Variants in STK3 observed in about 807,000 individuals in gnomAD.
The protein encoded by STK3 is serine/threonine-protein kinase 3.
STK3 carries 41 observed loss-of-function variants against 58.0 expected under a neutral mutation model. The observed-to-expected ratio is 0.71, with a 90% CI of 0.55 to 0.92. The LOEUF is 0.92. Ranked by LOEUF, STK3 falls within the 40% of genes least tolerant of loss-of-function variation. The pLI is 0.00. For synonymous variants in STK3, 170 were observed against 191.0 expected (o/e 0.89, Z 0.91); for missense variants, 479 against 602.7 (o/e 0.79, Z 2.15).
chr8:98,942,251 A>T (rs1840461859), intron 1 of STK3: 1 of 152,272 alleles, frequency 6.6e-6, no homozygotes, highest in African/African-American at 2.4e-5. Context: ...CGCTGCGCTC[A>T]GCCTCCGGGC....
At chr8:98,788,170 G>A (rs1832586051) in intron 1 of STK3, among the ~76,000 whole-genome samples, 1 of 152,110 alleles carries the variant, frequency 6.6e-6, no homozygotes, top group Non-Finnish European at 1.5e-5. Flanking sequence ...GGCCGGGCAT[G>A]GTGGCTCACG....
At chr8:98,502,218 G>T (rs1486589217) in intron 10 of STK3, among the ~76,000 whole-genome samples, 4 of 152,108 alleles carry the variant, frequency 2.6e-5, no homozygotes, top group Non-Finnish European at 5.9e-5. Context: ...TCTGTTATTG[G>T]TGTATAGGAA....
intron 6 of STK3, chr8:98,597,569 C>T: frequency 1.0e-6 from 1 of 985,340 alleles, no homozygotes; most frequent in Non-Finnish European, 1.2e-6. Flanking sequence ...GGGCCACAGG[C>T]CAAATAGTGC....
intron 1 of STK3, among the ~76,000 whole-genome samples, chr8:98,785,205 C>G (rs951732242): frequency 6.6e-6 from 1 of 152,234 alleles, no homozygotes; most frequent in African/African-American, 2.4e-5. Context: ...AGGCATAACT[C>G]CAGGCATTCA....
chr8:98,747,882 A>T (rs935638106), intron 4 of STK3, among the ~76,000 whole-genome samples: 11 of 152,216 alleles, frequency 7.2e-5, no homozygotes, highest in African/African-American at 2.7e-4. Flanking sequence ...CAACATGCTC[A>T]GTGGACTGTG....
intron 3 of STK3, among the ~76,000 whole-genome samples, chr8:98,873,284 A>T (rs1193553940): frequency 6.6e-6 from 1 of 152,112 alleles, no homozygotes; most frequent in Non-Finnish European, 1.5e-5. Flanking sequence ...TGGAATAAGT[A>T]TGATGTGGTG....
upstream of STK3, among the ~76,000 whole-genome samples, chr8:98,829,509 C>T (rs1018654827): frequency 1.3e-5 from 2 of 152,168 alleles, no homozygotes; most frequent in Non-Finnish European, 2.9e-5. Flanking sequence ...AATTATCATA[C>T]GACTCCAATA....
chr8:98,618,262 A>C (rs868250268), intron 6 of STK3, among the ~76,000 whole-genome samples: 4 of 149,284 alleles, frequency 2.7e-5, no homozygotes, highest in Non-Finnish European at 4.5e-5. Context: ...AAAATTCAAC[A>C]ACCCTTCATG....
chr8:98,675,772 G>A (rs1324006925), intron 6 of STK3, among the ~76,000 whole-genome samples: 1 of 152,032 alleles, frequency 6.6e-6, no homozygotes, highest in East Asian at 1.9e-4. Context: ...GCTGAGGCAG[G>A]AGAATGGTGT....
intron 3 of STK3, among the ~76,000 whole-genome samples, chr8:98,843,759 GTAATCCCA>G (rs1836086263): frequency 6.6e-6 from 1 of 152,236 alleles, no homozygotes; most frequent in Non-Finnish European, 1.5e-5. Flanking sequence ...GCTCACGCCT[GTAATCCCA>G]GCACTTTGGG....
intron 3 of STK3, among the ~76,000 whole-genome samples, chr8:98,408,702 G>T (rs777461377): frequency 1.3e-5 from 2 of 152,240 alleles, no homozygotes; most frequent in Non-Finnish European, 2.9e-5. Context: ...AGAATTCAAA[G>T]CCAGAGGCTG....
Position 98,905,278 on chromosome 8 carries a change from C to T in STK3, c.-78-21444G>A, listed in dbSNP as rs942363241. The T allele has an allele frequency of 2.1e-5, 17 of 828,986 alleles. No individual in the cohort carries two copies. In the African/African-American group the frequency reaches 2.7e-4, roughly 13 times the overall value. The allele number at this position is 828,986 out of a possible 1,614,324, so 51.4% of individuals were successfully genotyped here. ...TTGAAACTCTGTGTTGTCAAGGCCCCTGACGGTCTCACTGCGTCCTCTGAC... is the reference window on the plus strand; with the variant it reads ...TTGAAACTCTGTGTTGTCAAGGCCCTTGACGGTCTCACTGCGTCCTCTGAC... On this transcript the variant is annotated intron_variant, in intron 1 of 1. Coordinates refer to the STK3 transcript ENST00000519420.
intron 3 of STK3, among the ~76,000 whole-genome samples, chr8:98,846,856 T>TACACACACACACACACACACACAC (rs374739035): frequency 7.0e-6 from 1 of 143,322 alleles, no homozygotes; most frequent in African/African-American, 2.6e-5. Flanking sequence ...TTCAGGATCC[T>TACACACACACACACACACACACAC]ACACACACAC....
chr8:98,431,077 T>C (rs1818318534), intron 3 of STK3: 1 of 167,122 alleles, frequency 6.0e-6, no homozygotes, highest in African/African-American at 2.4e-5. Flanking sequence ...AGCATGGAGC[T>C]ATCCAGGGTT....
chr8:98,894,346 A>G (rs1838371583), intron 1 of STK3, among the ~76,000 whole-genome samples: 1 of 152,180 alleles, frequency 6.6e-6, no homozygotes, highest in Non-Finnish European at 1.5e-5. Context: ...CTTCCTCCAA[A>G]AAAATATCTG....
At chr8:98,695,948 C>T (rs1303574503) in intron 6 of STK3, among the ~76,000 whole-genome samples, 2 of 152,106 alleles carry the variant, frequency 1.3e-5, no homozygotes, top group Non-Finnish European at 1.5e-5. Flanking sequence ...TATAAATTAC[C>T]TTGGGCAGTA....
rs554493061 is a variant in STK3, at chr8:98,527,029, T to C, written c.1142-112A>G. The C allele has an allele frequency of 5.7e-5, 42 of 736,902 alleles. No homozygotes were observed. In the South Asian group the frequency reaches 1.8e-3, roughly 32 times the overall value. The allele number at this position is 736,902 out of a possible 1,614,324, so 45.6% of individuals were successfully genotyped here. On this transcript the variant is annotated intron_variant, in intron 9 of 10. Coordinates refer to ENST00000419617, the MANE Select transcript of STK3 (RefSeq NM_006281.4). Reference sequence around the variant, plus strand: ...ATATAATAAATTTGCACTGGTCAGATTCAAGGCCAACATAATTAATTTCAT... The same window carrying C: ...ATATAATAAATTTGCACTGGTCAGACTCAAGGCCAACATAATTAATTTCAT...
intron 10 of STK3, among the ~76,000 whole-genome samples, chr8:98,511,168 A>C (rs1190621000): frequency 6.6e-6 from 1 of 152,052 alleles, no homozygotes; most frequent in African/African-American, 2.4e-5. Flanking sequence ...TTAAAACAAA[A>C]GTGGTTCTTA....
At chr8:98,516,108 AAC>A (rs1563689849) in intron 10 of STK3, among the ~76,000 whole-genome samples, 1 of 152,106 alleles carries the variant, frequency 6.6e-6, no homozygotes, top group Non-Finnish European at 1.5e-5. Context: ...TACTTAGAAA[AAC>A]AATTTCAGAT....
Sources: gnomAD v4.1 joint callset for allele counts (sites outside exome capture counted in the v4.1 genomes callset) on GRCh38, gnomAD v4.1.1 for gene constraint, MANE v1.5 for transcripts, NCBI Gene and HGNC (gene_info 2026-07-23, HGNC 2026-07-21) for gene names.